Variants in FRY observed in about 807,000 individuals in gnomAD.
FRY encodes the protein FRY microtubule binding protein.
A neutral mutation model predicts 348.4 loss-of-function variants in FRY; 128 were observed. The ratio of observed to expected loss-of-function variants is 0.37; its 90% confidence interval spans 0.32 to 0.43. FRY has a LOEUF of 0.43. Among genes scored for constraint, FRY ranks in the 20% least tolerant of loss-of-function variants. The pLI is 1.00. For missense variants in FRY, 2,736 were observed against 3,695.2 expected, an observed-to-expected ratio of 0.74 and a Z score of 6.73; for synonymous variants, 1,370 against 1,374.7, an observed-to-expected ratio of 1.00 and a Z score of 0.08.
intron 11 of FRY, among the ~76,000 whole-genome samples, chr13:32,140,467 A>G (rs1279694993): frequency 6.6e-6 from 1 of 152,180 alleles, no homozygotes; most frequent in Non-Finnish European, 1.5e-5. Context: ...CTTTATAAGT[A>G]GTCTACCAGG....
At chr13:32,099,652 C>G (rs1176195404) in intron 2 of FRY, among the ~76,000 whole-genome samples, 1 of 151,872 alleles carries the variant, frequency 6.6e-6, no homozygotes, top group Non-Finnish European at 1.5e-5. Context: ...ATCCTTCTAC[C>G]AGATATGTAA....
rs187032529 is a variant in FRY at position 32,216,506 on chromosome 13, G to A, written c.4683-2243G>A. On this transcript the variant is annotated intron_variant, in intron 35 of 60. Coordinates refer to ENST00000542859, the MANE Select transcript of FRY (RefSeq NM_023037.3). ...CATCCTGTAGTTCTTCCGGGTGCAG[G>A]CCCTCCAGGGCACAATTTAAAACCC... Among the ~76,000 whole-genome samples the A allele has an allele frequency of 3.9e-5, 6 of 152,296 alleles. No individual in the cohort carries two copies. In the South Asian group the frequency reaches 8.3e-4, roughly 21 times the overall value.
chr13:32,095,154 A>G (rs1346994530), intron 2 of FRY, among the ~76,000 whole-genome samples: 1 of 151,792 alleles, frequency 6.6e-6, no homozygotes, highest in African/African-American at 2.4e-5. Context: ...CTTTTAAGAA[A>G]TGTCTAGTCA....
At chr13:32,233,231 T>A (rs924365202) in intron 41 of FRY, among the ~76,000 whole-genome samples, 2 of 152,192 alleles carry the variant, frequency 1.3e-5, no homozygotes, top group Non-Finnish European at 2.9e-5. Flanking sequence ...GTAGCCAAGC[T>A]GCAACTAAGA....
rs561033956 is a variant in FRY, at chr13:32,159,017, A to G, written c.1784+1612A>G. On this transcript the variant is annotated intron_variant, in intron 16 of 60. Coordinates refer to ENST00000542859, the MANE Select transcript of FRY (RefSeq NM_023037.3). Reference sequence around the variant, plus strand: ...ACCATATTCGTAATCAATAGGCATCATAAGATAGGTTCAGGACAAAAACAT... The same window carrying G: ...ACCATATTCGTAATCAATAGGCATCGTAAGATAGGTTCAGGACAAAAACAT... Among the ~76,000 whole-genome samples, 107 of 151,746 alleles carry G rather than the reference A, an allele frequency of 7.1e-4. 1 individual carries two copies. The highest frequency in any genetic ancestry group is 3.4e-3 in the Middle Eastern group (1 of 292).
chr13:32,098,392 C>T (rs1304220851), intron 2 of FRY, among the ~76,000 whole-genome samples: 1 of 151,986 alleles, frequency 6.6e-6, no homozygotes, highest in East Asian at 1.9e-4. Context: ...TTGAAAGAAA[C>T]AGAGGTCGCT....
chr13:32,171,298 T>C, intron 18 of FRY, 28 bp downstream of exon 18: 1 of 1,432,108 alleles, frequency 7.0e-7, no homozygotes, highest in Non-Finnish European at 9.4e-7. Flanking sequence ...CCCATGAATT[T>C]ATATTCTTTT....
chr13:32,251,737 T>G (rs934004521), intron 49 of FRY, 141 bp from the exon 50 acceptor site: 8 of 681,922 alleles, frequency 1.2e-5, no homozygotes, highest in Non-Finnish European at 2.2e-5. Context: ...TTTGTGTTCT[T>G]TTTTCATACT....
At chr13:32,094,887 A>C (rs369911375) in intron 2 of FRY, among the ~76,000 whole-genome samples, 17 of 152,288 alleles carry the variant, frequency 1.1e-4, no homozygotes, top group African/African-American at 4.1e-4. Context: ...GCTGGATCAT[A>C]TGGTAGCTCT....
At chr13:32,142,143 A>T (rs74044437) in intron 11 of FRY, among the ~76,000 whole-genome samples, 4,749 of 152,238 alleles carry the variant, frequency 0.031, 274 homozygotes, top group African/African-American at 0.11. Flanking sequence ...CAAAGACAGA[A>T]GAAGAAGAAG....
chr13:32,036,731 G>A (rs577273998), intron 1 of FRY, among the ~76,000 whole-genome samples: 2 of 149,962 alleles, frequency 1.3e-5, no homozygotes, highest in Non-Finnish European at 1.5e-5. Flanking sequence ...GAGTTTAAGT[G>A]TCATGCACAT....
At chr13:32,229,708 C>A (rs1885806936) in intron 40 of FRY, among the ~76,000 whole-genome samples, 1 of 152,162 alleles carries the variant, frequency 6.6e-6, no homozygotes, top group Non-Finnish European at 1.5e-5. Flanking sequence ...CTGTTGAAAA[C>A]CAAGTAGATG....
intron 1 of FRY, among the ~76,000 whole-genome samples, chr13:32,058,921 GT>G (rs2138433296): frequency 6.6e-6 from 1 of 152,334 alleles, no homozygotes; most frequent in South Asian, 2.1e-4. Context: ...TGACACTGGA[GT>G]CTGATAAACC....
intron 44 of FRY, among the ~76,000 whole-genome samples, chr13:32,238,506 T>C (rs1446134535): frequency 1.3e-5 from 2 of 152,038 alleles, no homozygotes; most frequent in Non-Finnish European, 2.9e-5. Context: ...AGGCTGGAGT[T>C]CAGTGGCGTG....
intron 29 of FRY, among the ~76,000 whole-genome samples, chr13:32,197,555 A>C (rs564867367): frequency 6.6e-6 from 1 of 152,320 alleles, no homozygotes; most frequent in East Asian, 1.9e-4. Flanking sequence ...GTTCTTGAAC[A>C]AGTTACTGCA....
intron 17 of FRY, among the ~76,000 whole-genome samples, chr13:32,164,489 A>G: frequency 6.6e-6 from 1 of 152,156 alleles, no homozygotes; most frequent in East Asian, 1.9e-4. Flanking sequence ...GCTGAATACC[A>G]CAGACACTTA....
intron 36 of FRY, among the ~76,000 whole-genome samples, chr13:32,222,721 T>C (rs1885379042): frequency 6.6e-6 from 1 of 152,234 alleles, no homozygotes; most frequent in South Asian, 2.1e-4. Context: ...TGAACCTCAC[T>C]TTCTTCTCTA....
chr13:32,265,569 G>A lies in FRY; in HGVS notation c.7899G>A (p.Glu2633=), dbSNP rs1419365041. Residue 2633 remains glutamate, a synonymous_variant, in exon 54 of 61, where the codon GAG becomes GAA. Coordinates refer to ENST00000542859, the MANE Select transcript of FRY (RefSeq NM_023037.3). The part of the protein sequence containing the change: ...CSDSFSLDMT[E]GEEKGNRALD... ...ACAGCTTTAGCCTGGACATGACTGAGGGGGAAGAAAAAGGCAATCGGGCAC... is the reference window on the plus strand; with the variant it reads ...ACAGCTTTAGCCTGGACATGACTGAAGGGGAAGAAAAAGGCAATCGGGCAC... 1.2e-6 allele frequency: 2 copies of A among 1,614,106 alleles called. No homozygotes were observed. The highest frequency in any genetic ancestry group is 2.7e-5 in the African/African-American group (2 of 74,940).
In FRY at chr13:32,117,342, C is replaced by A. The variant is rs1393553888; in HGVS notation, c.333C>A (p.Ser111Arg). The change falls in exon 4 of 61, where the codon AGC becomes AGA. Residue 111 changes from serine (S) to arginine (R), a missense_variant. Physicochemically the swap from Ser to Arg is moderately radical, Grantham distance 110 (BLOSUM62 -1). This residue lies in a region of FRY where 309 missense variants were observed against 418.1 expected (regional missense o/e 0.74). Transcript: ENST00000542859. ...GEDPQFDQVI[S>R]SMSSLSEYCL... ...TGCATTTTCCTCCATAGGTCATCAG[C>A]TCAATGAGCTCCCTTTCTGAGTACT... 1 of 1,613,860 alleles carries A rather than the reference C, an allele frequency of 6.2e-7. No homozygotes were observed. The highest frequency in any genetic ancestry group is 8.5e-7 in the Non-Finnish European group (1 of 1,179,830).
Sources: allele counts gnomAD v4.1 joint callset (sites outside exome capture counted in the v4.1 genomes callset), GRCh38; gene constraint gnomAD v4.1.1; regional missense constraint gnomAD v4.1.1; transcripts MANE v1.5; gene names NCBI Gene and HGNC (gene_info 2026-07-23, HGNC 2026-07-21).